The following FAM227B variants were observed in gnomAD, a reference collection of about 807,000 sequenced individuals.
FAM227B encodes the protein protein FAM227B.
Under a neutral mutation model 73.8 loss-of-function variants are expected in FAM227B, and 88 were observed. The observed-to-expected ratio is 1.19, with a 90% CI of 1.00 to 1.42. The LOEUF is 1.42. Ranked by LOEUF, FAM227B falls within the 40% of genes most tolerant of loss-of-function variation. The pLI is 0.00. For missense variants in FAM227B, 632 were observed against 590.9 expected, an observed-to-expected ratio of 1.07 and a Z score of -0.72; for synonymous variants, 210 against 190.5, an observed-to-expected ratio of 1.10 and a Z score of -0.84.
intron 9 of FAM227B, among the ~76,000 whole-genome samples, chr15:49,548,307 T>C (rs1474506627): frequency 6.6e-6 from 1 of 152,242 alleles, no homozygotes; most frequent in Admixed American, 6.5e-5. Flanking sequence ...ATTCTGTTAA[T>C]ACAATGTATT....
At chr15:49,521,826 T>C (rs1389334451) in intron 10 of FAM227B, among the ~76,000 whole-genome samples, 1 of 152,170 alleles carries the variant, frequency 6.6e-6, no homozygotes, top group Non-Finnish European at 1.5e-5. Context: ...ATTATATTTC[T>C]ACCTGCCAAA....
chr15:49,402,858 G>A (rs1305818002), intron 11 of FAM227B, among the ~76,000 whole-genome samples: 4 of 152,220 alleles, frequency 2.6e-5, no homozygotes, highest in Middle Eastern at 3.4e-3. Context: ...GTGTTGTGCC[G>A]ATTTTCAATA....
chr15:49,560,678 T>TCTCA (rs1158479331), intron 9 of FAM227B, among the ~76,000 whole-genome samples: 4 of 152,146 alleles, frequency 2.6e-5, no homozygotes, highest in African/African-American at 9.7e-5. Flanking sequence ...ACAGCAGACC[T>TCTCA]CTCAGCAGAA....
At chr15:49,586,335 T>C (rs1318698834) in intron 5 of FAM227B, among the ~76,000 whole-genome samples, 1 of 152,214 alleles carries the variant, frequency 6.6e-6, no homozygotes, top group Non-Finnish European at 1.5e-5. Context: ...TGGCTAGCCA[T>C]ATGCAGAAGA....
chr15:49,488,984 A>C (rs2056641800), intron 11 of FAM227B: 1 of 152,074 alleles, frequency 6.6e-6, no homozygotes, highest in East Asian at 1.9e-4. Context: ...GGACCTCTCC[A>C]TAGCACTGCT....
intron 9 of FAM227B, among the ~76,000 whole-genome samples, chr15:49,553,588 T>C (rs781758242): frequency 6.6e-6 from 1 of 152,170 alleles, no homozygotes; most frequent in African/African-American, 2.4e-5. Context: ...AAAAAAACCT[T>C]AGAGCTGGCA....
chr15:49,614,066 T>G (rs1411280268), intron 2 of FAM227B, among the ~76,000 whole-genome samples: 1 of 152,242 alleles, frequency 6.6e-6, no homozygotes, highest in Non-Finnish European at 1.5e-5. Flanking sequence ...TTTTTTTTCT[T>G]GTAATGGCTG....
chr15:49,402,099 A>G (rs1447121256), intron 11 of FAM227B, among the ~76,000 whole-genome samples: 2 of 152,176 alleles, frequency 1.3e-5, no homozygotes, highest in Admixed American at 1.3e-4. Context: ...TTCCTAAATG[A>G]GAAAAGGAAG....
chr15:49,390,098 G>A (rs904571121), intron 11 of FAM227B, among the ~76,000 whole-genome samples: 6 of 151,962 alleles, frequency 3.9e-5, no homozygotes, highest in African/African-American at 9.7e-5. Flanking sequence ...GTATGAACAC[G>A]GGGCTTGCTC....
chr15:49,406,938 C>G (rs1289962977), intron 11 of FAM227B, among the ~76,000 whole-genome samples: 1 of 151,882 alleles, frequency 6.6e-6, no homozygotes, highest in Admixed American at 6.6e-5. Flanking sequence ...CCAGAACACC[C>G]GAGGATGCCC....
intron 13 of FAM227B, among the ~76,000 whole-genome samples, chr15:49,339,821 C>T (rs979021901): frequency 1.3e-5 from 2 of 152,148 alleles, no homozygotes; most frequent in African/African-American, 2.4e-5. Context: ...AGATGCCCTG[C>T]CCGTAGAGGA....
rs143970875 is a variant in FAM227B, at chr15:49,367,604, T to C, written c.1115A>G (p.His372Arg). 6 of 1,559,064 alleles carry C rather than the reference T, an allele frequency of 3.8e-6. No individual in the cohort carries two copies. Among genetic ancestry groups the C allele is most frequent in the Admixed American group, 2.3e-5 (1 of 44,208 alleles). ...AAACTCTGGACCAGTACTACTATAG[T>C]GCGACTGTAAGAGGAAGAAAATAAT... ...SRLSRLATKS[H>R]YSSTGPEFNR... The change falls in exon 13 of 16, where the codon CAC (histidine) becomes CGC (arginine). Residue 372 changes from histidine (H) to arginine (R), a missense_variant. Physicochemically the swap from His to Arg is conservative, Grantham distance 29. Transcript: ENST00000299338.
intron 11 of FAM227B, among the ~76,000 whole-genome samples, chr15:49,484,137 C>T (rs1040171706): frequency 7.9e-5 from 12 of 151,938 alleles, no homozygotes; most frequent in Non-Finnish European, 1.8e-4. Context: ...CCTTTTTATG[C>T]AAATATACTA....
At chr15:49,396,043 C>T (rs890762808) in intron 11 of FAM227B, 24 of 453,096 alleles carry the variant, frequency 5.3e-5, no homozygotes, top group African/African-American at 8.0e-5. Context: ...CCAGCGTGAG[C>T]GACGCAGAAG....
chr15:49,576,772 T>A lies in FAM227B; in HGVS notation c.515A>T (p.Tyr172Phe). Residue 172 changes from tyrosine (Y) to phenylalanine (F), a missense_variant, in exon 7 of 16, where the codon TAT becomes TTT. Physicochemically the swap from Tyr to Phe is conservative, Grantham distance 22 (BLOSUM62 3). Coordinates refer to ENST00000299338, the MANE Select transcript of FAM227B (RefSeq NM_152647.3). ...ATTATGGGCTTTTAAAATAAAAAGATAAATTTGTTCAGCATCCAAATGTCT... is the reference window on the plus strand; with the variant it reads ...ATTATGGGCTTTTAAAATAAAAAGAAAAATTTGTTCAGCATCCAAATGTCT... ...LPRHLDAEQI[Y>F]LFILKAHNFD... 1 of 1,608,234 alleles carries A rather than the reference T, an allele frequency of 6.2e-7. No individual in the cohort carries two copies. Among genetic ancestry groups the A allele is most frequent in the Non-Finnish European group, 8.5e-7 (1 of 1,175,208 alleles).
chr15:49,611,124 T>A, intron 3 of FAM227B, 91 bp downstream of exon 3: 1 of 746,560 alleles, frequency 1.3e-6, no homozygotes, highest in Non-Finnish European at 2.3e-6. Context: ...CTGAAATTTC[T>A]AGTCTTAAAG....
intron 5 of FAM227B, among the ~76,000 whole-genome samples, chr15:49,583,654 CAAAAAA>C (rs200243389): frequency 9.7e-6 from 1 of 103,626 alleles, no homozygotes; most frequent in African/African-American, 3.9e-5. Flanking sequence ...TTTCACTTGG[CAAAAAA>C]AAAAAAAAAA....
intron 3 of FAM227B, among the ~76,000 whole-genome samples, chr15:49,598,236 G>A (rs962884197): frequency 6.6e-6 from 1 of 151,930 alleles, no homozygotes; most frequent in Non-Finnish European, 1.5e-5. Context: ...TATTGTAAAA[G>A]AGATTGTTTT....
At chr15:49,498,646 C>T (rs1007514850) in intron 11 of FAM227B, among the ~76,000 whole-genome samples, 4 of 152,172 alleles carry the variant, frequency 2.6e-5, no homozygotes, top group Non-Finnish European at 5.9e-5. Flanking sequence ...ATATAATACA[C>T]TTTCAAGCTT....
Sources: allele counts gnomAD v4.1 joint callset (sites outside exome capture counted in the v4.1 genomes callset), GRCh38; gene constraint gnomAD v4.1.1; transcripts MANE v1.5; gene names NCBI Gene and HGNC (gene_info 2026-07-23, HGNC 2026-07-21).